Variants in EPHB1 observed in about 807,000 individuals in gnomAD.
EPHB1 encodes ephrin type-B receptor 1.
In EPHB1, 30 loss-of-function variants were observed where a neutral mutation model predicts 94.4. That is an observed-to-expected ratio of 0.32 (90% CI 0.24 to 0.43). The LOEUF is 0.43. Among genes scored for constraint, EPHB1 ranks in the 20% least tolerant of loss-of-function variants. The pLI, the probability that EPHB1 is intolerant of heterozygous loss-of-function variation, is 1.00. For synonymous variants in EPHB1, 522 were observed against 489.1 expected, an observed-to-expected ratio of 1.07 and a Z score of -0.89; for missense variants, 1,055 against 1,308.3, an observed-to-expected ratio of 0.81 and a Z score of 2.99.
At chr3:135,058,541 C>T (rs931449334) in intron 3 of EPHB1, among the ~76,000 whole-genome samples, 4 of 152,370 alleles carry the variant, frequency 2.6e-5, no homozygotes, top group Non-Finnish European at 5.9e-5. Flanking sequence ...TCCACATAAA[C>T]CTCTTGGGTA....
chr3:134,861,788 G>A (rs7638962), intron 1 of EPHB1, among the ~76,000 whole-genome samples: 6,312 of 152,114 alleles, frequency 0.041, 391 homozygotes, highest in African/African-American at 0.14. Context: ...ACTAGGTGAT[G>A]GGTTGATAGG....
At chr3:135,152,672 G>T (rs913648870) in intron 5 of EPHB1, among the ~76,000 whole-genome samples, 1 of 146,418 alleles carries the variant, frequency 6.8e-6, no homozygotes, top group Non-Finnish European at 1.5e-5. Context: ...GGCCACTGGG[G>T]AGTCTCTGAT....
At chr3:134,907,142 TG>T (rs767205232) in intron 1 of EPHB1, among the ~76,000 whole-genome samples, 19 of 152,158 alleles carry the variant, frequency 1.2e-4, no homozygotes, top group Non-Finnish European at 2.2e-4. Flanking sequence ...CAAATTAACG[TG>T]GGAAACAGGT....
rs192646721 is a variant in EPHB1, at chr3:134,939,635, C to T, written c.124-11736C>T. ...TTTCAGGCTTAGTCTACTGTCTACA[C>T]GGGAGCTTTGTCCTTGGGGTCCAGG... On this transcript the variant is annotated intron_variant, in intron 2 of 15. Coordinates refer to ENST00000398015, the MANE Select transcript of EPHB1 (RefSeq NM_004441.5). Among the ~76,000 whole-genome samples, 28 of 152,268 alleles carry T rather than the reference C, an allele frequency of 1.8e-4. No individual in the cohort carries two copies. The East Asian group carries it at 2.7e-3, about 15-fold the overall frequency.
At chr3:134,827,376 CACACA>C (rs2036502527) in intron 1 of EPHB1, among the ~76,000 whole-genome samples, 1 of 152,102 alleles carries the variant, frequency 6.6e-6, no homozygotes, top group African/African-American at 2.4e-5. Context: ...CACACACACA[CACACA>C]CACACACATA....
chr3:135,014,344 C>T (rs960282861), intron 3 of EPHB1, among the ~76,000 whole-genome samples: 7 of 152,202 alleles, frequency 4.6e-5, no homozygotes, highest in Non-Finnish European at 8.8e-5. Flanking sequence ...CCCAGCCCGA[C>T]TTGATTCTGA....
intron 3 of EPHB1, among the ~76,000 whole-genome samples, chr3:135,079,626 C>T (rs1010537505): frequency 3.9e-5 from 6 of 152,162 alleles, no homozygotes; most frequent in African/African-American, 1.4e-4. Context: ...CCTGAGCTCC[C>T]TCGTGGCAGC....
At chr3:135,249,819 C>T (rs35459960) in intron 15 of EPHB1, among the ~76,000 whole-genome samples, 1 of 150,584 alleles carries the variant, frequency 6.6e-6, no homozygotes, top group Non-Finnish European at 1.5e-5. Flanking sequence ...ACACAGCCAT[C>T]TAGTACTTTA....
intron 1 of EPHB1, among the ~76,000 whole-genome samples, chr3:134,882,716 TTTCC>T (rs1454351092): frequency 1.3e-5 from 2 of 150,850 alleles, no homozygotes; most frequent in Non-Finnish European, 3.0e-5. Flanking sequence ...TCCTTCCTTC[TTTCC>T]TTCTTCTTTC....
intron 15 of EPHB1, among the ~76,000 whole-genome samples, chr3:135,257,527 T>C (rs1933453550): frequency 6.6e-6 from 1 of 152,056 alleles, no homozygotes; most frequent in Non-Finnish European, 1.5e-5. Flanking sequence ...GTTAGGTTGC[T>C]GGGGGGGTCA....
intron 4 of EPHB1, among the ~76,000 whole-genome samples, chr3:135,126,912 G>A (rs1457444645): frequency 6.6e-6 from 1 of 152,086 alleles, no homozygotes; most frequent in South Asian, 2.1e-4. Flanking sequence ...AGAAAGGGTG[G>A]CTGAATTAGG....
intron 1 of EPHB1, among the ~76,000 whole-genome samples, chr3:134,824,860 C>G (rs983504180): frequency 9.2e-5 from 14 of 152,188 alleles, no homozygotes; most frequent in African/African-American, 1.7e-4. Context: ...CCAGCACCAA[C>G]TGCCAGCCAT....
chr3:135,256,337 G>A (rs1320601750), intron 15 of EPHB1, among the ~76,000 whole-genome samples: 1 of 152,174 alleles, frequency 6.6e-6, no homozygotes, highest in Non-Finnish European at 1.5e-5. Context: ...ATTTTGGCAT[G>A]ATTTTGCAGC....
intron 12 of EPHB1, among the ~76,000 whole-genome samples, chr3:135,215,311 G>A (rs1264019726): frequency 6.6e-6 from 1 of 152,070 alleles, no homozygotes; most frequent in East Asian, 1.9e-4. Flanking sequence ...TTACAGGCAT[G>A]CGCCTCCATA....
rs10694308 is a variant in EPHB1, at chr3:135,183,034, C to CTTTTCTTTTCTTTTCTTTG, written c.1882+3055_1882+3056insTCTTTTCTTTTCTTTGTTT. On this transcript the variant is annotated intron_variant, in intron 10 of 15. Transcript: ENST00000398015. The stretch of plus-strand genomic sequence containing the variant: ...TCTTTTCTTTTCTTTTCTTTTCTTT[C>CTTTTCTTTTCTTTTCTTTG]TTTCTTTCTTTCTTTCTTTCTTTCT... 9.6e-5 allele frequency among the ~76,000 whole-genome samples: 6 copies of CTTTTCTTTTCTTTTCTTTG among 62,494 alleles called. No individual in the cohort carries two copies. In the Admixed American group the frequency reaches 1.0e-3, roughly 10 times the overall value. 41.0% of individuals were successfully genotyped at this position (62,494 alleles called of 152,430 possible).
chr3:135,138,880 A>G (rs757082371), intron 5 of EPHB1, among the ~76,000 whole-genome samples: 7 of 152,246 alleles, frequency 4.6e-5, no homozygotes, highest in Non-Finnish European at 7.3e-5. Flanking sequence ...GGCCTCAGAA[A>G]GGCCCTGGCC....
chr3:134,914,923 G>T (rs1409921730), intron 1 of EPHB1, among the ~76,000 whole-genome samples: 1 of 152,128 alleles, frequency 6.6e-6, no homozygotes, highest in Non-Finnish European at 1.5e-5. Flanking sequence ...ATAGGCTCCT[G>T]CTGGTGAAGG....
chr3:135,127,437 C>T (rs990849262), intron 4 of EPHB1, among the ~76,000 whole-genome samples: 5 of 152,144 alleles, frequency 3.3e-5, no homozygotes, highest in African/African-American at 4.8e-5. Flanking sequence ...ACTGTGGTTG[C>T]CACCTTCACC....
At chr3:135,022,750 C>T (rs1028761521) in intron 3 of EPHB1, among the ~76,000 whole-genome samples, 1 of 152,148 alleles carries the variant, frequency 6.6e-6, no homozygotes, top group Non-Finnish European at 1.5e-5. Context: ...CTCTCATTCT[C>T]ATTATTTATA....
Sources: allele counts gnomAD v4.1 joint callset (sites outside exome capture counted in the v4.1 genomes callset), GRCh38; gene constraint gnomAD v4.1.1; transcripts MANE v1.5; gene names NCBI Gene and HGNC (gene_info 2026-07-23, HGNC 2026-07-21).